SBNO1: variants seen among roughly 807,000 people sequenced by gnomAD.
SBNO1 encodes protein strawberry notch homolog 1.
In SBNO1, 23 loss-of-function variants were observed where a neutral mutation model predicts 173.6. The ratio of observed to expected loss-of-function variants is 0.13; its 90% CI spans 0.10 to 0.19. The LOEUF (loss-of-function observed/expected upper bound fraction) is 0.19. Ranked by LOEUF, SBNO1 falls within the 10% of genes least tolerant of loss-of-function variation. The pLI is 1.00. For missense variants in SBNO1, 1,238 were observed against 1,671.2 expected (o/e 0.74, Z 4.52); for synonymous variants, 632 against 571.5 (o/e 1.11, Z -1.51).
chr12:123,352,224 C>T (rs1339587557), intron 1 of SBNO1, among the ~76,000 whole-genome samples: 2 of 152,182 alleles, frequency 1.3e-5, no homozygotes, highest in Non-Finnish European at 2.9e-5. Context: ...CATAAATATA[C>T]TAATTTTCAG....
chr12:123,298,812 G>C (rs146500920), intron 30 of SBNO1, among the ~76,000 whole-genome samples: 1 of 152,178 alleles, frequency 6.6e-6, no homozygotes, highest in Non-Finnish European at 1.5e-5. Flanking sequence ...CTTGCTAGCC[G>C]GGCAGGGTGG....
At position 123,309,545 on chromosome 12, in the gene SBNO1, C is replaced by G. The variant is rs752387826; in HGVS notation, c.3481G>C (p.Val1161Leu). Residue 1161 changes from valine (V) to leucine (L), a missense_variant, in exon 27 of 32, where the codon GTT becomes CTT. By Grantham distance (32) the Val-to-Leu change is conservative. This residue lies in a region of SBNO1 where 351 missense variants were observed against 420.3 expected (regional missense o/e 0.84). Transcript: ENST00000602398. ...TATCCTGGAGTCAGAAACTTTTTAA[C>G]ATCACTTTTCCGCACTTTTTCATCT... The part of the protein sequence containing the change: ...SGDEKVRKSD[V>L]KKFLTPGYST... 1 of 1,614,010 alleles carries G rather than the reference C, an allele frequency of 6.2e-7. No homozygotes were observed. Among genetic ancestry groups the G allele is most frequent in the South Asian group, 1.1e-5 (1 of 91,082 alleles).
Position 123,331,337 on chromosome 12 carries a change from G to A in SBNO1, c.948C>T (p.Gly316=). The change falls in exon 8 of 32, where the codon GGC becomes GGT. Residue 316 remains glycine, a synonymous_variant. Coordinates refer to ENST00000602398, the MANE Select transcript of SBNO1 (RefSeq NM_001167856.3). ...ETFLPNGDRA[G]FLIGDGAGVG... The stretch of plus-strand genomic sequence containing the variant: ...CACCGGCACCATCACCTATTAAGAA[G>A]CCAGCACGATCTCCATTAGGTAGGA... 1.2e-6 allele frequency: 2 copies of A among 1,613,846 alleles called. No individual in the cohort carries two copies. The highest frequency in any genetic ancestry group is 1.7e-6 in the Non-Finnish European group (2 of 1,179,786).
chr12:123,323,907 G>A, intron 15 of SBNO1, 76 bp from the exon 16 acceptor site: 1 of 1,097,654 alleles, frequency 9.1e-7, no homozygotes, highest in East Asian at 3.1e-5. Flanking sequence ...TAAATATATT[G>A]AAATATACTT....
intron 30 of SBNO1, 99 bp from the exon 31 acceptor site, chr12:123,298,270 CTTTTT>C (rs753453531): frequency 1.3e-5 from 13 of 1,003,028 alleles, no homozygotes; most frequent in African/African-American, 3.6e-5. Context: ...CTTTTCTTTT[CTTTTT>C]TTTTTGTTGA....
At chr12:123,307,959 C>T (rs2048961655) in intron 28 of SBNO1, among the ~76,000 whole-genome samples, 1 of 152,130 alleles carries the variant, frequency 6.6e-6, no homozygotes, top group Non-Finnish European at 1.5e-5. Context: ...GTAGTCCCAG[C>T]TACTCGGGAG....
At chr12:123,357,307 C>G (rs1437911374) in intron 1 of SBNO1, among the ~76,000 whole-genome samples, 1 of 152,024 alleles carries the variant, frequency 6.6e-6, no homozygotes, top group Non-Finnish European at 1.5e-5. Flanking sequence ...CAAAAATTAG[C>G]CGGGCATGGT....
rs1034429388 is a variant in SBNO1 at position 123,290,527 on chromosome 12, C to T, written c.*5381G>A. The T allele has an allele frequency of 2.0e-5, 3 of 152,226 alleles. No homozygotes were observed. The highest frequency in any genetic ancestry group is 7.2e-5 in the African/African-American group (3 of 41,546). 9.4% of individuals were successfully genotyped at this position (152,226 alleles called of 1,614,324 possible). ...CCAACTCGAATTATTAAAAACGCCT[C>T]GATCCCGCTCTGCTTCTAGGCTTAC... On this transcript the variant is annotated 3_prime_UTR_variant, in exon 32 of 32. Transcript: ENST00000602398.
chr12:123,354,724 A>C (rs1337049570), intron 1 of SBNO1, among the ~76,000 whole-genome samples: 1 of 152,202 alleles, frequency 6.6e-6, no homozygotes, highest in African/African-American at 2.4e-5. Context: ...AAAGCACCAT[A>C]TAAATGCTAA....
chr12:123,328,127 T>C (rs1337701810), intron 10 of SBNO1, 100 bp from the exon 11 acceptor site: 22 of 927,024 alleles, frequency 2.4e-5, no homozygotes, highest in Middle Eastern at 3.4e-4. Context: ...GCCTTCTGAT[T>C]GCCTATTTCA....
chr12:123,326,088 C>G, intron 14 of SBNO1, 64 bp downstream of exon 14: 1 of 1,138,860 alleles, frequency 8.8e-7, no homozygotes, highest in East Asian at 2.7e-5. Context: ...CAGAAAACCT[C>G]AGCACCCACA....
At chr12:123,301,782 C>T (rs546252026) in intron 30 of SBNO1, among the ~76,000 whole-genome samples, 34 of 152,210 alleles carry the variant, frequency 2.2e-4, no homozygotes, top group African/African-American at 7.7e-4. Context: ...AAGAGCCCAG[C>T]TACTCAGGAG....
intron 13 of SBNO1, 66 bp downstream of exon 13, chr12:123,327,360 C>A: frequency 7.0e-7 from 1 of 1,423,724 alleles, no homozygotes. Context: ...ATCGCAATCG[C>A]CAAAACTAAC....
At chr12:123,312,579 G>T (rs540937167) in intron 24 of SBNO1, among the ~76,000 whole-genome samples, 2 of 152,080 alleles carry the variant, frequency 1.3e-5, no homozygotes, top group South Asian at 4.1e-4. Flanking sequence ...AGGTATGGTG[G>T]CGGGCACCTG....
intron 20 of SBNO1, among the ~76,000 whole-genome samples, chr12:123,317,863 T>A (rs1320991146): frequency 1.3e-5 from 2 of 152,248 alleles, no homozygotes; most frequent in Non-Finnish European, 2.9e-5. Flanking sequence ...TTCCAACTAA[T>A]GTAATTCCTA....
chr12:123,338,696 A>G (rs1033154879), intron 5 of SBNO1, among the ~76,000 whole-genome samples: 1 of 151,844 alleles, frequency 6.6e-6, no homozygotes, highest in African/African-American at 2.4e-5. Flanking sequence ...ATAAATAAAC[A>G]AAATAAAAGA....
chr12:123,289,562 T>C lies in SBNO1; in HGVS notation c.*6346A>G, dbSNP rs140794890. The stretch of plus-strand genomic sequence containing the variant: ...CTCCAGATGCACCATGTCAGATTAG[T>C]AAAGGAGAACCATCTACACCTACAT... On this transcript the variant is annotated 3_prime_UTR_variant, in exon 32 of 32. Coordinates refer to ENST00000602398, the MANE Select transcript of SBNO1 (RefSeq NM_001167856.3). 6.6e-6 allele frequency: 1 copy of C among 152,062 alleles called. No homozygotes were observed. Among genetic ancestry groups the C allele is most frequent in the East Asian group, 1.9e-4 (1 of 5,170 alleles). The allele number at this position is 152,062 out of a possible 1,614,324, so 9.4% of individuals were successfully genotyped here.
intron 28 of SBNO1, among the ~76,000 whole-genome samples, chr12:123,307,552 G>C (rs1593333861): frequency 2.0e-5 from 3 of 152,172 alleles, no homozygotes; most frequent in African/African-American, 7.2e-5. Flanking sequence ...GGTCTTACTT[G>C]CAGTCACTCC....
intron 28 of SBNO1, among the ~76,000 whole-genome samples, chr12:123,305,186 G>C (rs1320377371): frequency 1.3e-5 from 2 of 152,174 alleles, no homozygotes; most frequent in African/African-American, 4.8e-5. Context: ...AATGGAAAAA[G>C]AAATGTTACT....
Sources: allele counts gnomAD v4.1 joint callset (sites outside exome capture counted in the v4.1 genomes callset), GRCh38; gene constraint gnomAD v4.1.1; regional missense constraint gnomAD v4.1.1; transcripts MANE v1.5; gene names NCBI Gene and HGNC (gene_info 2026-07-23, HGNC 2026-07-21).